ATP6V1A: variants seen among roughly 807,000 people sequenced by gnomAD.
The protein encoded by ATP6V1A is ATPase H+ transporting V1 subunit A.
A neutral mutation model predicts 70.1 loss-of-function variants in ATP6V1A; 18 were observed. That is an observed-to-expected ratio of 0.26 (90% CI 0.18 to 0.38). The LOEUF is 0.38. ATP6V1A is among the 10% of genes least tolerant of loss of function. ATP6V1A has a pLI of 1.00. For missense variants in ATP6V1A, 424 were observed against 772.4 expected (o/e 0.55, Z 5.35); for synonymous variants, 232 against 253.8 (o/e 0.91, Z 0.82).
intron 1 of ATP6V1A, among the ~76,000 whole-genome samples, chr3:113,771,680 G>A (rs190494239): frequency 6.6e-6 from 1 of 151,896 alleles, no homozygotes; most frequent in Admixed American, 6.6e-5. Flanking sequence ...CTCATGATCC[G>A]CCTGCCTCGG....
chr3:113,758,307 A>G (rs1054112573), intron 1 of ATP6V1A, among the ~76,000 whole-genome samples: 1 of 152,216 alleles, frequency 6.6e-6, no homozygotes, highest in East Asian at 1.9e-4. Context: ...CACATAAAGT[A>G]TACAGTTGGA....
At chr3:113,778,677 A>G (rs1559754413) in intron 1 of ATP6V1A, 64 bp from the exon 2 acceptor site, 1 of 894,098 alleles carries the variant, frequency 1.1e-6, no homozygotes, top group Non-Finnish European at 1.6e-6. Context: ...TGGACTACCT[A>G]TATTTTGGGT....
At chr3:113,803,746 T>C (rs1012055736) in intron 13 of ATP6V1A, 69 bp downstream of exon 13, 1 of 1,235,886 alleles carries the variant, frequency 8.1e-7, no homozygotes, top group Non-Finnish European at 1.2e-6. Flanking sequence ...GAGTACACAT[T>C]AAAAACCCTT....
At chr3:113,795,542 A>C (rs902218487) in intron 10 of ATP6V1A, among the ~76,000 whole-genome samples, 1 of 151,920 alleles carries the variant, frequency 6.6e-6, no homozygotes, top group Non-Finnish European at 1.5e-5. Flanking sequence ...TGATCACTAC[A>C]TAAAGCCATA....
chr3:113,773,564 T>G (rs1708875401), intron 1 of ATP6V1A, among the ~76,000 whole-genome samples: 1 of 152,216 alleles, frequency 6.6e-6, no homozygotes, highest in South Asian at 2.1e-4. Flanking sequence ...CGCTAATCAT[T>G]GCTCATACAT....
rs758889776 is a variant in ATP6V1A, at chr3:113,784,332, C to T, written c.320C>T (p.Ser107Leu). ...AIFDGIQRPL[S>L]DISSQTQSIY... is the part of the protein sequence containing the mutation. ...TTTGATGGTATTCAAAGACCTTTGTCGGATATCAGCAGTCAGACCCAAAGC... is the reference window on the plus strand; with the variant it reads ...TTTGATGGTATTCAAAGACCTTTGTTGGATATCAGCAGTCAGACCCAAAGC... Residue 107 changes from serine to leucine, a missense_variant, in exon 4 of 15, where the codon TCG becomes TTG. Coordinates refer to ENST00000273398, the MANE Select transcript of ATP6V1A (RefSeq NM_001690.4). The T allele has an allele frequency of 9.9e-6, 16 of 1,613,836 alleles. No individual in the cohort carries two copies. Among genetic ancestry groups the T allele is most frequent in the South Asian group, 6.6e-5 (6 of 91,078 alleles).
chr3:113,773,489 A>G (rs575223004), intron 1 of ATP6V1A, among the ~76,000 whole-genome samples: 6 of 152,300 alleles, frequency 3.9e-5, no homozygotes, highest in Admixed American at 1.3e-4. Context: ...CATGCTGGCT[A>G]GGATTTTCCA....
intron 14 of ATP6V1A, among the ~76,000 whole-genome samples, chr3:113,808,703 A>C (rs759997106): frequency 3.3e-5 from 5 of 152,148 alleles, no homozygotes; most frequent in South Asian, 4.1e-4. Context: ...TTAATTCCTA[A>C]TTATCATGCA....
chr3:113,773,858 T>G (rs1559753225), intron 1 of ATP6V1A, among the ~76,000 whole-genome samples: 1 of 152,198 alleles, frequency 6.6e-6, no homozygotes, highest in Non-Finnish European at 1.5e-5. Flanking sequence ...ATAGTACTTC[T>G]AAGAGAGCAC....
At chr3:113,774,818 AAAAAG>A (rs1246671646) in intron 1 of ATP6V1A, among the ~76,000 whole-genome samples, 4 of 152,054 alleles carry the variant, frequency 2.6e-5, no homozygotes, top group Non-Finnish European at 5.9e-5. Context: ...GTCTCAAAAA[AAAAAG>A]AAAAGAAAAA....
intron 6 of ATP6V1A, 131 bp from the exon 7 acceptor site, chr3:113,788,582 A>G (rs1358543242): frequency 1.4e-6 from 1 of 704,384 alleles, no homozygotes; most frequent in Non-Finnish European, 2.3e-6. Context: ...CTCACTTCAG[A>G]TGATCCACCC....
intron 1 of ATP6V1A, among the ~76,000 whole-genome samples, chr3:113,765,208 G>A (rs1240111461): frequency 6.6e-6 from 1 of 152,080 alleles, no homozygotes; most frequent in African/African-American, 2.4e-5. Flanking sequence ...TTACTTTGTA[G>A]TCACATTGAT....
intron 14 of ATP6V1A, among the ~76,000 whole-genome samples, chr3:113,805,907 C>G (rs1466128438): frequency 6.6e-6 from 1 of 152,160 alleles, no homozygotes; most frequent in Non-Finnish European, 1.5e-5. Flanking sequence ...GTTATTTTCA[C>G]ACATGTTCAG....
At chr3:113,795,754 T>G in intron 10 of ATP6V1A, 122 bp from the exon 11 acceptor site, 1 of 762,852 alleles carries the variant, frequency 1.3e-6, no homozygotes, top group Non-Finnish European at 2.0e-6. Flanking sequence ...GTTATTTACA[T>G]TAAAAAGTTA....
intron 1 of ATP6V1A, among the ~76,000 whole-genome samples, chr3:113,762,495 G>A (rs1437986836): frequency 6.6e-6 from 1 of 152,030 alleles, no homozygotes; most frequent in Non-Finnish European, 1.5e-5. Flanking sequence ...ATGAACCCAG[G>A]ACGTGGAGGT....
At chr3:113,753,617 T>C (rs552850036) in intron 1 of ATP6V1A, among the ~76,000 whole-genome samples, 45 of 152,170 alleles carry the variant, frequency 3.0e-4, no homozygotes, top group Middle Eastern at 3.4e-3. Flanking sequence ...GTGAAGTGAT[T>C]AAATGGTAGG....
chr3:113,793,993 A>G (rs544039833), intron 8 of ATP6V1A, among the ~76,000 whole-genome samples: 55 of 152,286 alleles, frequency 3.6e-4, no homozygotes, highest in African/African-American at 1.1e-3. Context: ...ACAAGTATAT[A>G]GGGCAGGCGT....
chr3:113,783,626 C>T (rs570954497), intron 3 of ATP6V1A, among the ~76,000 whole-genome samples: 3 of 152,046 alleles, frequency 2.0e-5, no homozygotes, highest in Non-Finnish European at 4.4e-5. Flanking sequence ...TCATGTGGTG[C>T]CAGGATATTT....
rs376827197 is a variant in ATP6V1A, at chr3:113,748,499, A to T, written c.-14+1386A>T. Among the ~76,000 whole-genome samples, 582 of 152,322 alleles carry T rather than the reference A, an allele frequency of 3.8e-3. 2 individuals carry two copies. The highest frequency in any genetic ancestry group is 5.3e-3 in the Non-Finnish European group (362 of 68,024). ...TTTCTAACTAAGGTAATTAAAGAAG[A>T]CTGCTGGAAAATGAGGAAGATGGAA... On this transcript the variant is annotated intron_variant, in intron 1 of 14. Transcript: ENST00000273398.
Sources: gnomAD v4.1 joint callset for allele counts (sites outside exome capture counted in the v4.1 genomes callset) on GRCh38, gnomAD v4.1.1 for gene constraint, MANE v1.5 for transcripts, NCBI Gene and HGNC (gene_info 2026-07-23, HGNC 2026-07-21) for gene names.